Variants in IL2RB observed in about 807,000 individuals in gnomAD.
The protein encoded by IL2RB is interleukin-2 receptor subunit beta.
IL2RB carries 17 observed loss-of-function variants against 44.2 expected under a neutral mutation model. That is an observed-to-expected ratio of 0.38 (90% CI 0.26 to 0.58). The LOEUF (loss-of-function observed/expected upper bound fraction) is 0.58, where lower values mean the gene tolerates loss of function less well. Among genes scored for constraint, IL2RB ranks in the 20% least tolerant of loss-of-function variants. The pLI is 0.63. For missense variants in IL2RB, 624 were observed against 685.5 expected (o/e 0.91, Z 1.00); for synonymous variants, 286 against 297.9 (o/e 0.96, Z 0.41).
upstream of IL2RB, among the ~76,000 whole-genome samples, chr22:37,153,124 G>A (rs1023337305): frequency 6.6e-6 from 1 of 151,902 alleles, no homozygotes. Flanking sequence ...CAGTAGAGAC[G>A]GGGTTTCCCC....
At chr22:37,136,560 T>C (rs997646289) in intron 6 of IL2RB, among the ~76,000 whole-genome samples, 167 bp from the exon 7 acceptor site, 2 of 146,526 alleles carry the variant, frequency 1.4e-5, no homozygotes, top group African/African-American at 5.0e-5. Flanking sequence ...CCCAGGGTCA[T>C]CCCCTAAAGC....
chr22:37,158,574 G>A (rs1386056955), intron 1 of IL2RB, among the ~76,000 whole-genome samples: 1 of 152,102 alleles, frequency 6.6e-6, no homozygotes, highest in Admixed American at 6.6e-5. Flanking sequence ...ATAGGAAGGG[G>A]AGGCTCTCTG....
upstream of IL2RB, among the ~76,000 whole-genome samples, chr22:37,152,724 G>T (rs889210269): frequency 6.6e-6 from 1 of 152,034 alleles, no homozygotes; most frequent in Non-Finnish European, 1.5e-5. Context: ...GAGAAGGGTG[G>T]CGTGGGAGCT....
rs1238130347 is a variant in IL2RB at position 37,137,515 on chromosome 22, A to G, written c.537+72T>C. ...GGGCTGAGGGGACCTCGACACAATG[A>G]AAAAGGGACAGGACATGGACCAGGA... is the stretch of plus-strand genomic sequence containing the variant. On this transcript the variant is annotated intron_variant, in intron 6 of 9. Transcript: ENST00000216223. 54 of 1,524,430 alleles carry G rather than the reference A, an allele frequency of 3.5e-5. No homozygotes were observed. The East Asian group carries it at 1.2e-3, about 35-fold the overall frequency. 94.4% of individuals were successfully genotyped at this position (1,524,430 alleles called of 1,614,324 possible). A position where few individuals can be genotyped will look rare whatever the true frequency, so the allele number is the denominator to read the frequency against.
intron 1 of IL2RB, among the ~76,000 whole-genome samples, chr22:37,160,866 A>G (rs938286251): frequency 1.3e-5 from 2 of 151,670 alleles, no homozygotes; most frequent in African/African-American, 4.8e-5. Context: ...AAAAGACTGG[A>G]TGCGGTGGCT....
intron 4 of IL2RB, among the ~76,000 whole-genome samples, chr22:37,140,108 T>A (rs899065803): frequency 6.6e-6 from 1 of 152,128 alleles, no homozygotes; most frequent in Admixed American, 6.5e-5. Flanking sequence ...GGATGCTGAT[T>A]TCAGGGCCGG....
intron 1 of IL2RB, among the ~76,000 whole-genome samples, chr22:37,156,554 A>T (rs1922686239): frequency 6.6e-6 from 1 of 152,124 alleles, no homozygotes; most frequent in Non-Finnish European, 1.5e-5. Flanking sequence ...TTCAAGCTCC[A>T]CCCATCACCT....
intron 8 of IL2RB, among the ~76,000 whole-genome samples, chr22:37,134,782 T>C (rs965041315): frequency 1.2e-4 from 19 of 152,146 alleles, no homozygotes; most frequent in African/African-American, 3.6e-4. Flanking sequence ...CACACCTGCA[T>C]GATTGTCTGC....
At chr22:37,173,721 C>T (rs1343982830) in intron 1 of IL2RB, among the ~76,000 whole-genome samples, 1 of 152,154 alleles carries the variant, frequency 6.6e-6, no homozygotes, top group Non-Finnish European at 1.5e-5. Flanking sequence ...CCTCCAGCAG[C>T]CTCAGCATTA....
intron 5 of IL2RB, 53 bp from the exon 6 acceptor site, chr22:37,137,788 A>C: frequency 2.0e-6 from 3 of 1,510,510 alleles, no homozygotes; most frequent in Non-Finnish European, 2.7e-6. Flanking sequence ...TCCACCTCCC[A>C]CTTTGTACCT....
intron 1 of IL2RB, among the ~76,000 whole-genome samples, chr22:37,155,775 C>G (rs1922659406): frequency 6.6e-6 from 1 of 152,218 alleles, no homozygotes; most frequent in South Asian, 2.1e-4. Flanking sequence ...CCACGAGCTC[C>G]ACGCCTTGCT....
intron 1 of IL2RB, among the ~76,000 whole-genome samples, chr22:37,145,545 C>T (rs1922181995): frequency 6.6e-6 from 1 of 152,038 alleles, no homozygotes; most frequent in Non-Finnish European, 1.5e-5. Context: ...AGTAGCTGCC[C>T]CCACCCTCTG....
At chr22:37,164,613 C>A (rs1923005066) in intron 1 of IL2RB, among the ~76,000 whole-genome samples, 1 of 152,080 alleles carries the variant, frequency 6.6e-6, no homozygotes, top group Admixed American at 6.6e-5. Context: ...GGGCCTTCTT[C>A]CTGTTTCTCT....
chr22:37,136,161 G>C, intron 7 of IL2RB, 67 bp downstream of exon 7: 1 of 1,505,702 alleles, frequency 6.6e-7, no homozygotes, highest in Non-Finnish European at 9.0e-7. Context: ...GGAGAGAATG[G>C]AGCAGCTCCT....
chr22:37,142,612 G>A, intron 3 of IL2RB, 100 bp from the exon 4 acceptor site: 1 of 1,266,000 alleles, frequency 7.9e-7, no homozygotes, highest in Non-Finnish European at 1.2e-6. Context: ...ATGGCACCAG[G>A]CAGCAAGGCC....
upstream of IL2RB, among the ~76,000 whole-genome samples, chr22:37,154,048 A>C (rs1052454385): frequency 6.6e-6 from 1 of 152,214 alleles, no homozygotes; most frequent in African/African-American, 2.4e-5. Context: ...GGTCAGACAC[A>C]GGAAGCCTGA....
At chr22:37,159,773 C>A (rs1922796599) in intron 1 of IL2RB, among the ~76,000 whole-genome samples, 1 of 152,182 alleles carries the variant, frequency 6.6e-6, no homozygotes, top group Non-Finnish European at 1.5e-5. Context: ...AGGGCAAAGC[C>A]CCCAAAAGTG....
intron 4 of IL2RB, 97 bp downstream of exon 4, chr22:37,142,337 T>C (rs1922007838): frequency 1.7e-6 from 2 of 1,151,680 alleles, no homozygotes; most frequent in Non-Finnish European, 1.3e-6. Context: ...CCATTGGGCC[T>C]CAGCTCTTCC....
intron 9 of IL2RB, 61 bp downstream of exon 9, chr22:37,132,323 G>C: frequency 7.5e-7 from 1 of 1,336,330 alleles, no homozygotes; most frequent in Non-Finnish European, 1.1e-6. Flanking sequence ...CTACTAACCT[G>C]CCACCCCCTC....
Sources: gnomAD v4.1 joint callset for allele counts (sites outside exome capture counted in the v4.1 genomes callset) on GRCh38, gnomAD v4.1.1 for gene constraint, MANE v1.5 for transcripts, NCBI Gene and HGNC (gene_info 2026-07-23, HGNC 2026-07-21) for gene names.